Variants in NELFA observed in about 807,000 individuals in gnomAD.
NELFA encodes negative elongation factor complex member A.
A neutral mutation model predicts 51.8 loss-of-function variants in NELFA; 35 were observed. That is an observed-to-expected ratio of 0.68 (90% confidence interval 0.52 to 0.90). The LOEUF is 0.90. Among genes scored for constraint, NELFA ranks in the 40% least tolerant of loss-of-function variants. NELFA has a pLI of 0.00. For synonymous variants in NELFA, 417 were observed against 338.4 expected (o/e 1.23, Z -2.55); for missense variants, 658 against 746.4 (o/e 0.88, Z 1.38).
At chr4:1,990,664 G>A (rs1176361347) in intron 2 of NELFA, among the ~76,000 whole-genome samples, 1 of 152,238 alleles carries the variant, frequency 6.6e-6, no homozygotes, top group Non-Finnish European at 1.5e-5. Context: ...GTCTCTCTGG[G>A]TGCTGCCCTT....
At chr4:1,991,399 G>A (rs1291137011) in intron 2 of NELFA, 145 bp downstream of exon 2, 6 of 788,458 alleles carry the variant, frequency 7.6e-6, no homozygotes, top group East Asian at 5.5e-5. Context: ...TACGGGGGAG[G>A]ATGGTGCATA....
chr4:1,992,120 G>C (rs557845103), intron 1 of NELFA: 1 of 219,944 alleles, frequency 4.5e-6, no homozygotes, highest in South Asian at 5.7e-5. Flanking sequence ...GCAGGTGCCC[G>C]GCACAGCAGA....
chr4:1,990,445 G>A (rs1267624159), intron 2 of NELFA: 2 of 456,652 alleles, frequency 4.4e-6, no homozygotes, highest in Non-Finnish European at 8.8e-6. Flanking sequence ...GCAGGCACAT[G>A]AGAGTTCACC....
intron 1 of NELFA, among the ~76,000 whole-genome samples, chr4:2,000,763 T>C (rs928031496): frequency 2.6e-4 from 39 of 152,254 alleles, no homozygotes; most frequent in African/African-American, 7.0e-4. Flanking sequence ...TTCCAAACAA[T>C]TGAAAAGGAG....
chr4:1,983,359 G>A lies in NELFA; in HGVS notation c.1547C>T (p.Thr516Met), dbSNP rs781262674. 17 of 1,614,196 alleles carry A rather than the reference G, an allele frequency of 1.1e-5. No individual in the cohort carries two copies. The highest frequency in any genetic ancestry group is 4.4e-5 in the South Asian group (4 of 91,086). The change falls in exon 11 of 11, where the codon ACG (threonine) becomes ATG (methionine). Residue 516 changes from threonine to methionine, a missense_variant. By Grantham distance (81) the Thr-to-Met change is moderately conservative (BLOSUM62 -1). This residue lies in a region of NELFA where 87 missense variants were observed against 130.2 expected (regional missense o/e 0.67). Transcript: ENST00000382882. ...CATGGGCTTGTACTTCTTGAAGCGCGTCCACTGGCCCGTGGCATAGTTCAT... is the reference window on the plus strand; with the variant it reads ...CATGGGCTTGTACTTCTTGAAGCGCATCCACTGGCCCGTGGCATAGTTCAT... ...FEMNYATGQW[T>M]RFKKYKPMTN...
At chr4:2,007,937 A>G (rs903324064) in intron 1 of NELFA, 3 of 456,526 alleles carry the variant, frequency 6.6e-6, no homozygotes, top group Non-Finnish European at 1.3e-5. Context: ...GATACAATAT[A>G]AAGTTTAGGA....
At chr4:1,992,995 T>G (rs913865103) in intron 1 of NELFA, among the ~76,000 whole-genome samples, 5 of 152,172 alleles carry the variant, frequency 3.3e-5, no homozygotes, top group African/African-American at 9.6e-5. Context: ...CCGAGCTGAG[T>G]GCGCGATGCG....
At chr4:2,001,717 A>G (rs898173937) in intron 1 of NELFA, among the ~76,000 whole-genome samples, 2 of 152,120 alleles carry the variant, frequency 1.3e-5, no homozygotes, top group African/African-American at 4.8e-5. Flanking sequence ...AGCCTGGCCA[A>G]CGTGGTTAAA....
At chr4:2,007,164 G>A in intron 1 of NELFA, 1 of 424,704 alleles carries the variant, frequency 2.4e-6, no homozygotes, top group Non-Finnish European at 4.8e-6. Flanking sequence ...TCACGATGGT[G>A]CCACTGCACT....
At chr4:2,006,547 T>G (rs1728714466) in intron 1 of NELFA, among the ~76,000 whole-genome samples, 1 of 151,866 alleles carries the variant, frequency 6.6e-6, no homozygotes, top group Admixed American at 6.6e-5. Context: ...GGCAGGAGGA[T>G]CACTTGAGGC....
intron 3 of NELFA, among the ~76,000 whole-genome samples, chr4:1,988,678 A>G (rs1025743865): frequency 6.6e-6 from 1 of 152,156 alleles, no homozygotes; most frequent in Non-Finnish European, 1.5e-5. Context: ...CATTATAAAT[A>G]TTAATTCCAT....
rs1728401430 is a variant in NELFA, at chr4:1,995,632, TATAAA to T, written c.211-3922_211-3918del. ...AAAGACAAAGTCCAAGAAACATACA[TATAAA>T]ATAAAGCTGGTACATTTATATTAAT... On this transcript the variant is annotated intron_variant, in intron 1 of 10. Transcript: ENST00000382882. Among the ~76,000 whole-genome samples the T allele has an allele frequency of 3.3e-5, 5 of 152,286 alleles. No homozygotes were observed. The South Asian group carries it at 8.3e-4, about 25-fold the overall frequency.
intron 4 of NELFA, chr4:1,987,575 T>G: frequency 3.9e-6 from 1 of 254,938 alleles, no homozygotes; most frequent in Non-Finnish European, 7.4e-6. Context: ...GAGCCACCGG[T>G]GCCAACAGCA....
Position 1,996,828 on chromosome 4 carries a change from A to G in NELFA, c.211-5113T>C, listed in dbSNP as rs566227160. ...ACGCCTGTGATCCCAGCTACTCAGA[A>G]GGCTGAGGCACGATAATCACTTGAG... On this transcript the variant is annotated intron_variant, in intron 1 of 10. Transcript: ENST00000382882. Among the ~76,000 whole-genome samples the G allele has an allele frequency of 3.3e-5, 5 of 152,348 alleles. No individual in the cohort carries two copies. In the East Asian group the frequency reaches 9.6e-4, roughly 29 times the overall value.
At position 1,989,785 on chromosome 4, in the gene NELFA, A is replaced by T; in HGVS notation, c.467T>A (p.Leu156His). The T allele has an allele frequency of 6.2e-7, 1 of 1,614,122 alleles. No homozygotes were observed. The highest frequency in any genetic ancestry group is 8.5e-7 in the Non-Finnish European group (1 of 1,180,016). The change falls in exon 3 of 11, where the codon CTC becomes CAC. Residue 156 changes from leucine (L) to histidine (H), a missense_variant. Leu to His is a moderately conservative substitution (Grantham distance 99). Transcript: ENST00000382882. This position sits in a 1 kb window ranked among gnomAD's most constrained non-coding sequence, Gnocchi z 4.8. ...CTGAAAATGCTTCACCGGGGGAGTG[A>T]GGGGTCCCGCGAGGGTCGTCAGGGC... is the stretch of plus-strand genomic sequence containing the variant. ...KNALTTLAGP[L>H]TPPVKHFQLK...
chr4:1,998,838 A>G (rs1728498754), intron 1 of NELFA, among the ~76,000 whole-genome samples: 1 of 152,184 alleles, frequency 6.6e-6, no homozygotes, highest in Non-Finnish European at 1.5e-5. Flanking sequence ...CCCAAGACAC[A>G]TAATCATCAA....
intron 4 of NELFA, chr4:1,986,673 G>T: frequency 2.3e-6 from 1 of 438,396 alleles, no homozygotes; most frequent in Non-Finnish European, 4.2e-6. Context: ...TCTCTCACCA[G>T]TGTGGCGGGG....
intron 1 of NELFA, among the ~76,000 whole-genome samples, chr4:1,999,375 A>G (rs537220161): frequency 7.9e-5 from 12 of 152,184 alleles, no homozygotes; most frequent in Non-Finnish European, 1.8e-4. Flanking sequence ...GTCAAGACCC[A>G]TTGGTGTGCT....
chr4:2,001,095 C>G (rs779817530), intron 1 of NELFA, among the ~76,000 whole-genome samples: 2 of 152,150 alleles, frequency 1.3e-5, no homozygotes, highest in Non-Finnish European at 2.9e-5. Context: ...ATTCAACATC[C>G]CTGCATGTTA....
Sources: allele counts gnomAD v4.1 joint callset (sites outside exome capture counted in the v4.1 genomes callset), GRCh38; gene constraint gnomAD v4.1.1; regional missense constraint gnomAD v4.1.1; non-coding constraint Gnocchi (gnomAD v3.1); transcripts MANE v1.5; gene names NCBI Gene and HGNC (gene_info 2026-07-23, HGNC 2026-07-21).